MSH6: variants seen among roughly 807,000 people sequenced by gnomAD.
MSH6 encodes mutS homolog 6.
MSH6 carries 85 observed loss-of-function variants against 119.1 expected under a neutral mutation model. The ratio of observed to expected loss-of-function variants is 0.71; its 90% confidence interval spans 0.60 to 0.85. MSH6 has a LOEUF of 0.85. Among genes scored for constraint, MSH6 ranks in the 40% least tolerant of loss-of-function variants. The probability of loss-of-function intolerance (pLI) is 0.00; values close to 1 mark genes in which losing one functional copy is unlikely to be tolerated. For synonymous variants in MSH6, 830 were observed against 586.9 expected, an observed-to-expected ratio of 1.41 and a Z score of -5.99; for missense variants, 2,163 against 1,655.3, an observed-to-expected ratio of 1.31 and a Z score of -5.32.
chr2:47,792,770 G>T (rs550540236), intron 2 of MSH6, among the ~76,000 whole-genome samples: 2 of 151,642 alleles, frequency 1.3e-5, no homozygotes, highest in East Asian at 3.9e-4. Flanking sequence ...GGGCTCAAGT[G>T]ATTCCCCCCT....
chr2:47,805,688 G>A lies in MSH6; in HGVS notation c.3627G>A (p.Leu1209=), dbSNP rs1256608961. 2 of 1,610,856 alleles carry A rather than the reference G, an allele frequency of 1.2e-6. No homozygotes were observed. The highest frequency in any genetic ancestry group is 1.1e-5 in the South Asian group (1 of 90,998). ...SILMHATAHS[L]VLVDELGRGT... The stretch of plus-strand genomic sequence containing the variant: ...TCATGCATGCAACAGCACATTCTCT[G>A]GTGCTTGTGGATGAATTAGGTAAGA... The change falls in exon 7 of 10, where the codon CTG becomes CTA. Residue 1209 remains leucine (L), a synonymous_variant. Coordinates refer to ENST00000234420, the MANE Select transcript of MSH6 (RefSeq NM_000179.3).
chr2:47,801,505 TTACAGA>T (rs1171443397), intron 4 of MSH6, among the ~76,000 whole-genome samples: 1 of 150,996 alleles, frequency 6.6e-6, no homozygotes, highest in Non-Finnish European at 1.5e-5. Context: ...GTAGCTGAGA[TTACAGA>T]TATGCACCAC....
rs2104537004 is a variant in MSH6 at position 47,806,212 on chromosome 2, A to G, written c.3655A>G (p.Thr1219Ala). Residue 1219 changes from threonine (T) to alanine (A), a missense_variant, in exon 8 of 10, where the codon ACT becomes GCT. By Grantham distance (58) the Thr-to-Ala change is moderately conservative. Coordinates refer to ENST00000234420, the MANE Select transcript of MSH6 (RefSeq NM_000179.3). ...LVLVDELGRG[T>A]ATFDGTAIAN... Reference sequence around the variant, plus strand: ...ATATTTTACTTTAACAGGAAGAGGTACTGCAACATTTGATGGGACGGCAAT... The same window carrying G: ...ATATTTTACTTTAACAGGAAGAGGTGCTGCAACATTTGATGGGACGGCAAT... The G allele has an allele frequency of 1.2e-6, 2 of 1,613,998 alleles. No individual in the cohort carries two copies. Among genetic ancestry groups the G allele is most frequent in the Non-Finnish European group, 1.7e-6 (2 of 1,179,902 alleles).
chr2:47,791,817 A>G (rs760787349), intron 2 of MSH6, among the ~76,000 whole-genome samples: 1 of 149,988 alleles, frequency 6.7e-6, no homozygotes, highest in African/African-American at 2.5e-5. Context: ...GCTTGGGATT[A>G]TAGGCACACG....
chr2:47,786,920 G>T (rs1353801613), intron 1 of MSH6, among the ~76,000 whole-genome samples: 2 of 152,062 alleles, frequency 1.3e-5, no homozygotes, highest in African/African-American at 4.8e-5. Flanking sequence ...ACAAGTGTGA[G>T]CCACCACACC....
At position 47,806,236 on chromosome 2, in the gene MSH6, A is replaced by G. The variant is rs587779282; in HGVS notation, c.3679A>G (p.Ile1227Val). The G allele has an allele frequency of 6.2e-7, 1 of 1,614,112 alleles. No individual in the cohort carries two copies. The highest frequency in any genetic ancestry group is 8.5e-7 in the Non-Finnish European group (1 of 1,179,976). Residue 1227 changes from isoleucine (I) to valine (V), a missense_variant, in exon 8 of 10, where the codon ATA becomes GTA. Coordinates refer to ENST00000234420, the MANE Select transcript of MSH6 (RefSeq NM_000179.3). Reference sequence around the variant, plus strand: ...TACTGCAACATTTGATGGGACGGCAATAGCAAATGCAGTTGTTAAAGAACT... The same window carrying G: ...TACTGCAACATTTGATGGGACGGCAGTAGCAAATGCAGTTGTTAAAGAACT... ...RGTATFDGTA[I>V]ANAVVKELAE... is the part of the protein sequence containing the mutation.
chr2:47,807,149 G>A (rs2104594972), downstream of MSH6: 2 of 343,650 alleles, frequency 5.8e-6, no homozygotes, highest in Non-Finnish European at 1.1e-5. Context: ...GTATAGGGCT[G>A]TATATATACT....
chr2:47,806,198 T>C lies in MSH6; in HGVS notation c.3647-6T>C, dbSNP rs182871847. 7.1e-5 allele frequency: 115 copies of C among 1,613,736 alleles called. 1 individual carries two copies. The South Asian group carries it at 1.0e-3, about 14-fold the overall frequency. ...TTACTTCCTTATGCATATTTTACTT[T>C]AACAGGAAGAGGTACTGCAACATTT... is the stretch of plus-strand genomic sequence containing the variant. On this transcript the variant is annotated splice_polypyrimidine_tract_variant and splice_region_variant and intron_variant, in intron 7 of 9. Coordinates refer to ENST00000234420, the MANE Select transcript of MSH6 (RefSeq NM_000179.3).
intron 6 of MSH6, 21 bp from the exon 7 acceptor site, chr2:47,805,597 T>A (rs1387914198): frequency 5.9e-6 from 9 of 1,531,128 alleles, no homozygotes. Context: ...AGTATTCATT[T>A]GTGATTTTTT....
At chr2:47,805,730 T>A (rs746265122) in intron 7 of MSH6, 23 bp downstream of exon 7, 10 of 1,381,282 alleles carry the variant, frequency 7.2e-6, no homozygotes, top group Non-Finnish European at 9.9e-6. Context: ...ACTTCTCATT[T>A]GAAGACTATC....
chr2:47,783,635 T>C (rs1668153405), intron 1 of MSH6, 142 bp downstream of exon 1: 1 of 828,756 alleles, frequency 1.2e-6, no homozygotes, highest in Non-Finnish European at 1.7e-6. Flanking sequence ...AGAGTTGGCT[T>C]GAATGAGTGC....
chr2:47,790,647 C>G (rs965628158), intron 1 of MSH6, among the ~76,000 whole-genome samples: 1 of 152,144 alleles, frequency 6.6e-6, no homozygotes, highest in African/African-American at 2.4e-5. Flanking sequence ...CAGCATTATA[C>G]CAAAATTCTG....
At chr2:47,809,732 A>C, downstream of MSH6, 1 of 1,470,888 alleles carries the variant, frequency 6.8e-7, no homozygotes, top group Non-Finnish European at 9.5e-7. Context: ...ACAAACAAGT[A>C]GATACATCAC....
chr2:47,805,325 G>A (rs751373375), intron 6 of MSH6, among the ~76,000 whole-genome samples: 6 of 151,988 alleles, frequency 3.9e-5, no homozygotes, highest in East Asian at 1.9e-4. Flanking sequence ...GATTACAGGC[G>A]CATGCCATCA....
Position 47,783,414 on chromosome 2 carries a change from G to A in MSH6, c.181G>A (p.Ala61Thr), listed in dbSNP as rs1057524911. Residue 61 changes from alanine to threonine, a missense_variant, in exon 1 of 10, where the codon GCG becomes ACG. Coordinates refer to ENST00000234420, the MANE Select transcript of MSH6 (RefSeq NM_000179.3). ...SEAGPGPRPLARSASPPKAKN... is the reference protein window; with the variant it reads ...SEAGPGPRPLTRSASPPKAKN... ...GGCTGGGCCTGGGCCCAGGCCCTTG[G>A]CGCGCTCCGCGTCACCGCCCAAGGC... The A allele has an allele frequency of 6.6e-7, 1 of 1,520,752 alleles. No homozygotes were observed. Among genetic ancestry groups the A allele is most frequent in the Non-Finnish European group, 8.8e-7 (1 of 1,136,902 alleles). The allele number at this position is 1,520,752 out of a possible 1,614,324, so 94.2% of individuals were successfully genotyped here.
At chr2:47,796,281 C>G (rs1383183164) in intron 3 of MSH6, among the ~76,000 whole-genome samples, 2 of 152,108 alleles carry the variant, frequency 1.3e-5, no homozygotes, top group Non-Finnish European at 2.9e-5. Flanking sequence ...GGTTTTCAAG[C>G]CTACTGGCAG....
chr2:47,807,291 CATAGT>C, downstream of MSH6: 1 of 218,460 alleles, frequency 4.6e-6, no homozygotes, highest in Non-Finnish European at 9.2e-6. Flanking sequence ...GTACTTAAAA[CATAGT>C]AGTTTTTTAC....
downstream of MSH6, chr2:47,809,349 A>G: frequency 1.1e-6 from 1 of 875,752 alleles, no homozygotes; most frequent in Non-Finnish European, 1.7e-6. Flanking sequence ...ATTCTAACAG[A>G]AGAGCCACTA....
At position 47,800,707 on chromosome 2, in the gene MSH6, A is replaced by G. The variant is rs35389622; in HGVS notation, c.2724A>G (p.Glu908=). ...GTCGTTTTCCTGATTTGACTGTAGA[A>G]TTGAACCGATGGGATACAGCCTTTG... is the stretch of plus-strand genomic sequence containing the variant. ...PEGRFPDLTV[E]LNRWDTAFDH... is the part of the protein sequence containing the mutation. The change falls in exon 4 of 10, where the codon GAA becomes GAG. Residue 908 remains glutamate (E), a synonymous_variant. Transcript: ENST00000234420. The G allele has an allele frequency of 3.5e-5, 56 of 1,614,058 alleles. No individual in the cohort carries two copies. The Admixed American group carries it at 8.5e-4, about 24-fold the overall frequency.
Sources: gnomAD v4.1 joint callset for allele counts (sites outside exome capture counted in the v4.1 genomes callset) on GRCh38, gnomAD v4.1.1 for gene constraint, MANE v1.5 for transcripts, NCBI Gene and HGNC (gene_info 2026-07-23, HGNC 2026-07-21) for gene names.